The following MRPS28 variants were observed in gnomAD, a reference collection of about 807,000 sequenced individuals.
The protein encoded by MRPS28 is small ribosomal subunit protein bS1m.
A neutral mutation model predicts 10.8 loss-of-function variants in MRPS28; 7 were observed. That is an observed-to-expected ratio of 0.65 (90% CI 0.37 to 1.22). The LOEUF (loss-of-function observed/expected upper bound fraction) is 1.22, where lower values mean the gene tolerates loss of function less well. MRPS28 is among the 50% of genes most tolerant of loss of function. The pLI is 0.02. For synonymous variants in MRPS28, 121 were observed against 93.3 expected, an observed-to-expected ratio of 1.30 and a Z score of -1.71; for missense variants, 265 against 232.9, an observed-to-expected ratio of 1.14 and a Z score of -0.90.
In MRPS28 at chr8:80,015,104, T is replaced by A. The variant is rs139742185; in HGVS notation, c.214-11924A>T. Among the ~76,000 whole-genome samples, 310 of 152,260 alleles carry A rather than the reference T, an allele frequency of 2.0e-3. 2 individuals carry two copies. The highest frequency in any genetic ancestry group is 7.3e-3 in the African/African-American group (305 of 41,556). On this transcript the variant is annotated intron_variant, in intron 1 of 2. Coordinates refer to ENST00000276585, the MANE Select transcript of MRPS28 (RefSeq NM_014018.3). ...TGAAAGTTAAAAACTCCAGAGAGAC[T>A]CAGTTATTGGGGACTCTCACACTTT...
intron 2 of MRPS28, among the ~76,000 whole-genome samples, chr8:79,921,419 T>G (rs1199220835): frequency 1.5e-4 from 23 of 151,982 alleles, no homozygotes; most frequent in Admixed American, 1.5e-3. Context: ...TTCCTACCCA[T>G]GAGCATGGAA....
chr8:79,966,698 T>A (rs550412434), intron 2 of MRPS28, among the ~76,000 whole-genome samples: 1 of 152,180 alleles, frequency 6.6e-6, no homozygotes, highest in Non-Finnish European at 1.5e-5. Context: ...ACTTTAATTC[T>A]TGTGAATTAA....
chr8:80,024,826 CAGGA>C (rs1364356951), intron 1 of MRPS28, among the ~76,000 whole-genome samples: 1 of 152,124 alleles, frequency 6.6e-6, no homozygotes, highest in Non-Finnish European at 1.5e-5. Flanking sequence ...AGCTAGAAAA[CAGGA>C]TAAAACAGGT....
chr8:79,988,182 A>G (rs1159196466), intron 2 of MRPS28, among the ~76,000 whole-genome samples: 4 of 150,178 alleles, frequency 2.7e-5, no homozygotes, highest in African/African-American at 9.8e-5. Context: ...ACAAAAAACC[A>G]AACACCGCAT....
At chr8:79,967,188 GAGAAGTT>G (rs2130025411) in intron 2 of MRPS28, among the ~76,000 whole-genome samples, 1 of 152,226 alleles carries the variant, frequency 6.6e-6, no homozygotes, top group African/African-American at 2.4e-5. Flanking sequence ...CCTAGAAACT[GAGAAGTT>G]AAAAGAAACA....
At chr8:79,965,579 TTAG>T (rs1807483369) in intron 2 of MRPS28, among the ~76,000 whole-genome samples, 1 of 152,032 alleles carries the variant, frequency 6.6e-6, no homozygotes, top group African/African-American at 2.4e-5. Context: ...TATATCTGGT[TTAG>T]TAGGAGTCAA....
At chr8:79,973,702 A>G (rs1342460509) in intron 2 of MRPS28, among the ~76,000 whole-genome samples, 1 of 151,836 alleles carries the variant, frequency 6.6e-6, no homozygotes, top group Non-Finnish European at 1.5e-5. Context: ...AGTATCAGCA[A>G]CTCCCATGGG....
chr8:79,970,569 A>G (rs1393746194), intron 2 of MRPS28, among the ~76,000 whole-genome samples: 1 of 152,220 alleles, frequency 6.6e-6, no homozygotes, highest in Admixed American at 6.5e-5. Context: ...TCTGTTAGAC[A>G]AAGACTTCTT....
intron 1 of MRPS28, among the ~76,000 whole-genome samples, chr8:80,007,373 G>GCCCTCTCTCACCACT (rs1197689244): frequency 6.6e-6 from 1 of 152,198 alleles, no homozygotes; most frequent in South Asian, 2.1e-4. Flanking sequence ...AGAAAGGGAT[G>GCCCTCTCTCACCACT]CCCTCTCTCA....
chr8:80,017,201 T>A (rs532205341), intron 1 of MRPS28, among the ~76,000 whole-genome samples: 1 of 152,094 alleles, frequency 6.6e-6, no homozygotes, highest in Non-Finnish European at 1.5e-5. Flanking sequence ...CTAAATAACA[T>A]GAGTCAAACA....
At chr8:80,004,283 C>T (rs537038840) in intron 1 of MRPS28, among the ~76,000 whole-genome samples, 25 of 152,248 alleles carry the variant, frequency 1.6e-4, no homozygotes, top group Non-Finnish European at 3.4e-4. Flanking sequence ...CCCTCTGAGA[C>T]GAAGCTTCCA....
chr8:80,028,675 A>T (rs377224150), intron 1 of MRPS28: 4 of 33,822 alleles, frequency 1.2e-4, no homozygotes, highest in East Asian at 1.0e-3. Flanking sequence ...GGGCGGGGTC[A>T]GCCAGGCCAG....
At chr8:79,928,997 G>T (rs536685413) in intron 2 of MRPS28, among the ~76,000 whole-genome samples, 2 of 152,252 alleles carry the variant, frequency 1.3e-5, no homozygotes, top group South Asian at 4.2e-4. Context: ...AGTTAGCCGA[G>T]ATTTTGCTAC....
intron 1 of MRPS28, 145 bp from the exon 2 acceptor site, chr8:80,003,325 T>C: frequency 1.7e-6 from 1 of 593,690 alleles, no homozygotes; most frequent in Non-Finnish European, 2.7e-6. Flanking sequence ...AGTTATGCTC[T>C]TCAACTTCCT....
At chr8:79,984,546 C>CAA (rs1300520201) in intron 2 of MRPS28, among the ~76,000 whole-genome samples, 8 of 152,132 alleles carry the variant, frequency 5.3e-5, no homozygotes, top group Non-Finnish European at 1.2e-4. Context: ...TGTGCACAGA[C>CAA]ACACATAGGC....
At chr8:79,954,712 T>C (rs1043692719) in intron 2 of MRPS28, among the ~76,000 whole-genome samples, 2 of 152,220 alleles carry the variant, frequency 1.3e-5, no homozygotes, top group Admixed American at 6.5e-5. Flanking sequence ...TTGAAAACTT[T>C]GTGGGCTTTT....
At chr8:79,944,032 T>A (rs16907315) in intron 2 of MRPS28, among the ~76,000 whole-genome samples, 8,699 of 152,274 alleles carry the variant, frequency 0.057, 838 homozygotes, top group African/African-American at 0.2. Flanking sequence ...TAACTGACCC[T>A]TTGCTAATCA....
At chr8:80,028,645 C>CGGGCGGTGGGGGGG (rs1554575873) in intron 1 of MRPS28, 1 of 3,332 alleles carries the variant, frequency 3.0e-4, no homozygotes, top group Non-Finnish European at 5.1e-4. Flanking sequence ...AAGCAGAAGA[C>CGGGCGGTGGGGGGG]GGGCGGGGGG....
At chr8:79,934,741 T>A (rs1221758726) in intron 2 of MRPS28, among the ~76,000 whole-genome samples, 2 of 152,236 alleles carry the variant, frequency 1.3e-5, no homozygotes, top group Non-Finnish European at 2.9e-5. Context: ...TGCTCAAATG[T>A]AAAGCATGTA....
Sources: gnomAD v4.1 joint callset for allele counts (sites outside exome capture counted in the v4.1 genomes callset) on GRCh38, gnomAD v4.1.1 for gene constraint, MANE v1.5 for transcripts, NCBI Gene and HGNC (gene_info 2026-07-23, HGNC 2026-07-21) for gene names.